Variants in DNAJC11 observed in about 807,000 individuals in gnomAD.
DNAJC11 encodes dnaJ homolog subfamily C member 11.
DNAJC11 carries 15 observed loss-of-function variants against 78.6 expected under a neutral mutation model. The ratio of observed to expected loss-of-function variants is 0.19; its 90% CI spans 0.13 to 0.29. The LOEUF is 0.29. Ranked by LOEUF, DNAJC11 falls within the 10% of genes least tolerant of loss-of-function variation. The pLI, the probability that DNAJC11 is intolerant of heterozygous loss-of-function variation, is 1.00. For missense variants in DNAJC11, 547 were observed against 709.6 expected (o/e 0.77, Z 2.60); for synonymous variants, 292 against 272.1 (o/e 1.07, Z -0.72).
chr1:6,644,822 G>A, intron 9 of DNAJC11, 148 bp from the exon 10 acceptor site: 1 of 795,112 alleles, frequency 1.3e-6, no homozygotes, highest in Non-Finnish European at 2.1e-6. Flanking sequence ...AAGAAAGTTG[G>A]GACACCCATG....
At chr1:6,675,998 A>C (rs1642455491) in intron 3 of DNAJC11, among the ~76,000 whole-genome samples, 1 of 152,234 alleles carries the variant, frequency 6.6e-6, no homozygotes, top group Non-Finnish European at 1.5e-5. Flanking sequence ...GAGTGTATAA[A>C]GAGTGACGGG....
chr1:6,637,261 G>A lies in DNAJC11; in HGVS notation c.1461C>T (p.Asp487=), dbSNP rs138013045. The change falls in exon 14 of 16, where the codon GAC becomes GAT. Residue 487 remains aspartate (D), a synonymous_variant. Coordinates refer to ENST00000377577, the MANE Select transcript of DNAJC11 (RefSeq NM_018198.4). ...SRKSEKVKVI[D]VTVPLQCLVK... ...CCAGGCACTGCAGGGGCACAGTCAC[G>A]TCAATCACCTTCACCTTCTCGCTCT... 5.3e-5 allele frequency: 86 copies of A among 1,614,164 alleles called. No homozygotes were observed. In the African/African-American group the frequency reaches 7.1e-4, roughly 13 times the overall value.
chr1:6,693,834 A>ATTTT (rs34877805), intron 1 of DNAJC11, among the ~76,000 whole-genome samples: 8 of 101,208 alleles, frequency 7.9e-5, no homozygotes, highest in Non-Finnish European at 7.9e-5. Context: ...AAGTACCCCC[A>ATTTT]TTTTTTTTTT....
At chr1:6,698,555 T>C (rs538628485) in intron 1 of DNAJC11, among the ~76,000 whole-genome samples, 1 of 151,944 alleles carries the variant, frequency 6.6e-6, no homozygotes, top group Admixed American at 6.6e-5. Context: ...CAAGGGAGCA[T>C]GTTTCATATG....
intron 3 of DNAJC11, among the ~76,000 whole-genome samples, chr1:6,669,204 G>T (rs1642337007): frequency 6.7e-6 from 1 of 149,084 alleles, no homozygotes; most frequent in Admixed American, 6.7e-5. Context: ...AAAAGAAAAA[G>T]AAAAAGGAAA....
intron 14 of DNAJC11, among the ~76,000 whole-genome samples, chr1:6,636,742 A>G (rs1346714435): frequency 2.0e-5 from 3 of 152,138 alleles, no homozygotes; most frequent in African/African-American, 7.2e-5. Context: ...CGTGGGTACT[A>G]CTCAGGAGCT....
rs750988686 is a variant in DNAJC11, at chr1:6,634,600, A to T, written c.*1075T>A. Reference sequence around the variant, plus strand: ...TGATGGCTGCCACTTCCAGGCCCCGAGAGACAGGCCTCACGTAACTTTACT... The same window carrying T: ...TGATGGCTGCCACTTCCAGGCCCCGTGAGACAGGCCTCACGTAACTTTACT... On this transcript the variant is annotated 3_prime_UTR_variant, in exon 16 of 16. Coordinates refer to ENST00000377577, the MANE Select transcript of DNAJC11 (RefSeq NM_018198.4). 1.0e-5 allele frequency: 14 copies of T among 1,366,126 alleles called. No homozygotes were observed. The South Asian group carries it at 1.5e-4, about 14-fold the overall frequency. 84.6% of individuals were successfully genotyped at this position (1,366,126 alleles called of 1,614,324 possible).
intron 1 of DNAJC11, among the ~76,000 whole-genome samples, chr1:6,690,516 C>T (rs968618790): frequency 6.6e-6 from 1 of 152,206 alleles, no homozygotes; most frequent in South Asian, 2.1e-4. Context: ...TTCACAATGA[C>T]CCCTTTTGAA....
At chr1:6,674,876 A>G (rs1273058459) in intron 3 of DNAJC11, among the ~76,000 whole-genome samples, 1 of 152,206 alleles carries the variant, frequency 6.6e-6, no homozygotes, top group Non-Finnish European at 1.5e-5. Flanking sequence ...GACACTCAGG[A>G]TACCAACAGT....
chr1:6,692,821 C>T lies in DNAJC11; in HGVS notation c.72+8908G>A, dbSNP rs1037102536. 4.6e-5 allele frequency among the ~76,000 whole-genome samples: 7 copies of T among 151,872 alleles called. No individual in the cohort carries two copies. In the East Asian group the frequency reaches 9.7e-4, roughly 21 times the overall value. The stretch of plus-strand genomic sequence containing the variant: ...AGATGGGGTTTCTCCATGTTGGTCA[C>T]GCTGGTCTCAAACTCCCGACTTCAG... On this transcript the variant is annotated intron_variant, in intron 1 of 15. Transcript: ENST00000377577.
At chr1:6,646,099 TC>T in intron 7 of DNAJC11, 121 bp from the exon 8 acceptor site, 1 of 968,850 alleles carries the variant, frequency 1.0e-6, no homozygotes, top group Non-Finnish European at 1.5e-6. Context: ...CTGGGCCAGC[TC>T]CCAGTAAAAA....
intron 6 of DNAJC11, among the ~76,000 whole-genome samples, chr1:6,652,154 A>G (rs1304834294): frequency 6.6e-6 from 1 of 152,186 alleles, no homozygotes; most frequent in Non-Finnish European, 1.5e-5. Flanking sequence ...GGTGACTTTC[A>G]AGCAACTCTT....
intron 4 of DNAJC11, among the ~76,000 whole-genome samples, chr1:6,660,659 T>G (rs1642197613): frequency 6.6e-6 from 1 of 152,188 alleles, no homozygotes; most frequent in Non-Finnish European, 1.5e-5. Context: ...CCCACAAAAT[T>G]GCTAATATTA....
intron 11 of DNAJC11, among the ~76,000 whole-genome samples, chr1:6,639,328 CTTTTTTTTTTT>C (rs869051941): frequency 2.2e-5 from 3 of 136,830 alleles, no homozygotes; most frequent in African/African-American, 8.0e-5. Flanking sequence ...AGGATCAACA[CTTTTTTTTTTT>C]TTTTTTTTGA....
At chr1:6,640,206 C>A in intron 10 of DNAJC11, 149 bp from the exon 11 acceptor site, 1 of 1,001,968 alleles carries the variant, frequency 1.0e-6, no homozygotes, top group Non-Finnish European at 1.4e-6. Context: ...TTTCACAGTC[C>A]ACCACCTTCT....
At chr1:6,668,004 C>T (rs1642318550) in intron 3 of DNAJC11, 194 bp from the exon 4 acceptor site, 3 of 565,802 alleles carry the variant, frequency 5.3e-6, no homozygotes, top group East Asian at 2.8e-5. Context: ...GAGCTCACTG[C>T]CCTCCTGGCC....
intron 7 of DNAJC11, 88 bp downstream of exon 7, chr1:6,651,441 C>T: frequency 8.5e-7 from 1 of 1,182,830 alleles, no homozygotes; most frequent in Non-Finnish European, 1.2e-6. Context: ...CAAGATAGTG[C>T]CAACCACTGT....
chr1:6,681,940 A>G lies in DNAJC11; in HGVS notation c.73-903T>C, dbSNP rs568547209. Among the ~76,000 whole-genome samples the G allele has an allele frequency of 2.8e-4, 42 of 152,250 alleles. 1 individual carries two copies. The highest frequency in any genetic ancestry group is 1.0e-3 in the African/African-American group (42 of 41,538). Reference sequence around the variant, plus strand: ...CCCTTTGGTATATCAGTTAAAGAACATTTGATTTGAGGACGTATCCCCACC... The same window carrying G: ...CCCTTTGGTATATCAGTTAAAGAACGTTTGATTTGAGGACGTATCCCCACC... On this transcript the variant is annotated intron_variant, in intron 1 of 15. Coordinates refer to ENST00000377577, the MANE Select transcript of DNAJC11 (RefSeq NM_018198.4).
intron 1 of DNAJC11, among the ~76,000 whole-genome samples, chr1:6,686,533 G>A (rs1459838899): frequency 6.6e-6 from 1 of 152,184 alleles, no homozygotes; most frequent in Non-Finnish European, 1.5e-5. Context: ...CAAGGCAGAG[G>A]GGACAGCAGG....
Sources: allele counts gnomAD v4.1 joint callset (sites outside exome capture counted in the v4.1 genomes callset), GRCh38; gene constraint gnomAD v4.1.1; transcripts MANE v1.5; gene names NCBI Gene and HGNC (gene_info 2026-07-23, HGNC 2026-07-21).